Variants in ADAM12 observed in about 807,000 individuals in gnomAD.
ADAM12 encodes the protein ADAM metallopeptidase domain 12, also known as disintegrin and metalloproteinase domain-containing protein 12.
In ADAM12, 70 loss-of-function variants were observed where a neutral mutation model predicts 106.4. That is an observed-to-expected ratio of 0.66 (90% confidence interval 0.54 to 0.80). The LOEUF is 0.80. Among genes scored for constraint, ADAM12 ranks in the 30% least tolerant of loss-of-function variants. The pLI is 0.00. For missense variants in ADAM12, 1,010 were observed against 1,171.9 expected, an observed-to-expected ratio of 0.86 and a Z score of 2.02; for synonymous variants, 420 against 433.5, an observed-to-expected ratio of 0.97 and a Z score of 0.39.
At chr10:126,247,685 C>A (rs1254237182) in intron 3 of ADAM12, among the ~76,000 whole-genome samples, 1 of 152,226 alleles carries the variant, frequency 6.6e-6, no homozygotes. Flanking sequence ...ACCAGGAATT[C>A]TTCGCTGTTA....
chr10:126,141,866 G>T (rs1019424728), intron 4 of ADAM12, among the ~76,000 whole-genome samples: 1 of 152,196 alleles, frequency 6.6e-6, no homozygotes, highest in African/African-American at 2.4e-5. Context: ...CCTATGCAAT[G>T]AGCCAAACTA....
chr10:126,295,197 G>A (rs1046697215), intron 2 of ADAM12, among the ~76,000 whole-genome samples: 5 of 151,986 alleles, frequency 3.3e-5, no homozygotes, highest in African/African-American at 1.2e-4. Flanking sequence ...ACATAGATCT[G>A]GGGTCAAATC....
intron 1 of ADAM12, among the ~76,000 whole-genome samples, chr10:126,356,527 G>C (rs768916849): frequency 1.3e-5 from 2 of 152,202 alleles, no homozygotes; most frequent in Non-Finnish European, 2.9e-5. Context: ...GTAACATCCA[G>C]AAGAGGTGAC....
At chr10:126,188,420 T>A (rs1420705616) in intron 3 of ADAM12, among the ~76,000 whole-genome samples, 4 of 152,188 alleles carry the variant, frequency 2.6e-5, no homozygotes, top group Non-Finnish European at 4.4e-5. Flanking sequence ...AATTCCTTCT[T>A]TTCCAACCTC....
In ADAM12 at chr10:126,244,335, C is replaced by T. The variant is rs182304520; in HGVS notation, c.260+34580G>A. ...GGTCCGTGACCACACAGTGCACTGCCGGTATTTGAAGGCAACCACAGCCTG... is the reference window on the plus strand; with the variant it reads ...GGTCCGTGACCACACAGTGCACTGCTGGTATTTGAAGGCAACCACAGCCTG... On this transcript the variant is annotated intron_variant, in intron 3 of 22. Transcript: ENST00000448723. Among the ~76,000 whole-genome samples, 7 of 152,178 alleles carry T rather than the reference C, an allele frequency of 4.6e-5. No individual in the cohort carries two copies. The East Asian group carries it at 9.7e-4, about 21-fold the overall frequency.
chr10:126,172,680 T>C (rs1009891388), intron 3 of ADAM12, among the ~76,000 whole-genome samples: 2 of 152,168 alleles, frequency 1.3e-5, no homozygotes, highest in Admixed American at 6.5e-5. Context: ...AGTTCAACCA[T>C]TGTAGAAGAA....
At chr10:126,178,648 C>A (rs925764304) in intron 3 of ADAM12, among the ~76,000 whole-genome samples, 1 of 151,954 alleles carries the variant, frequency 6.6e-6, no homozygotes, top group African/African-American at 2.4e-5. Context: ...AAAGATGAAA[C>A]CAAAACTCTT....
At chr10:126,139,534 C>A (rs922212569) in intron 4 of ADAM12, among the ~76,000 whole-genome samples, 5 of 152,242 alleles carry the variant, frequency 3.3e-5, no homozygotes, top group Middle Eastern at 3.4e-3. Context: ...GCCGTGTGCT[C>A]CTTTTTGGAT....
intron 1 of ADAM12, among the ~76,000 whole-genome samples, chr10:126,370,625 T>C (rs1295809063): frequency 2.0e-5 from 3 of 152,154 alleles, no homozygotes; most frequent in Admixed American, 1.3e-4. Flanking sequence ...AGCTAAAGAC[T>C]CAAGTATTGT....
chr10:126,155,799 C>T (rs1674917), intron 3 of ADAM12, among the ~76,000 whole-genome samples: 65,790 of 151,646 alleles, frequency 0.43, 14,808 homozygotes, highest in East Asian at 0.76. Flanking sequence ...GTGAGAGAAC[C>T]GGCTGAAAAT....
At chr10:126,341,113 A>AC (rs1308204660) in intron 1 of ADAM12, among the ~76,000 whole-genome samples, 2 of 151,760 alleles carry the variant, frequency 1.3e-5, no homozygotes, top group East Asian at 3.9e-4. Context: ...CTCAAATGTT[A>AC]CCCCTCAGAG....
chr10:126,032,782 A>G (rs1229223456), intron 21 of ADAM12, among the ~76,000 whole-genome samples: 2 of 152,166 alleles, frequency 1.3e-5, no homozygotes, highest in East Asian at 3.9e-4. Context: ...AGTTTAGGGC[A>G]TGCTCACCAC....
chr10:126,278,183 G>A lies in ADAM12; in HGVS notation c.260+732C>T, dbSNP rs1035485407. On this transcript the variant is annotated intron_variant, in intron 3 of 22. Coordinates refer to ENST00000448723, the MANE Select transcript of ADAM12 (RefSeq NM_001288973.2). ...TGAGTTCTATCTTTACATACAGATT[G>A]CTTATTAGAAGAACTAATAAGCTCT... is the stretch of plus-strand genomic sequence containing the variant. Among the ~76,000 whole-genome samples, 14 of 152,268 alleles carry A rather than the reference G, an allele frequency of 9.2e-5. 1 individual carries two copies. The highest frequency in any genetic ancestry group is 3.4e-4 in the African/African-American group (14 of 41,556).
At chr10:126,023,499 A>C (rs115333228) in intron 21 of ADAM12, among the ~76,000 whole-genome samples, 3,180 of 152,292 alleles carry the variant, frequency 0.021, 94 homozygotes, top group African/African-American at 0.069. Context: ...AGAGAAATCC[A>C]ACCAAGGTCA....
In ADAM12 at chr10:126,066,998, G is replaced by A. The variant is rs1254032678; in HGVS notation, c.1324-192C>T. 2.0e-5 allele frequency: 11 copies of A among 558,632 alleles called. No homozygotes were observed. Among genetic ancestry groups the A allele is most frequent in the South Asian group, 7.9e-5 (4 of 50,518 alleles). 34.6% of individuals were successfully genotyped at this position (558,632 alleles called of 1,614,324 possible). On this transcript the variant is annotated intron_variant, in intron 12 of 22. Coordinates refer to ENST00000448723, the MANE Select transcript of ADAM12 (RefSeq NM_001288973.2). This position sits in a 1 kb window ranked among gnomAD's most constrained non-coding sequence, Gnocchi z 5.1. ...CTTTTTATGAACCAACTGGGTCTAC[G>A]AGTCCCTGGAAAAAGCCAGTAGCAC...
At chr10:126,159,684 G>A (rs1209241441) in intron 3 of ADAM12, among the ~76,000 whole-genome samples, 1 of 152,184 alleles carries the variant, frequency 6.6e-6, no homozygotes, top group East Asian at 1.9e-4. Context: ...GAAAGCTGGG[G>A]ATTAGAGAAA....
chr10:126,251,547 AGGATAGATGGGTGGGATG>A (rs1958752248), intron 3 of ADAM12, among the ~76,000 whole-genome samples: 1 of 90,848 alleles, frequency 1.1e-5, no homozygotes, highest in Non-Finnish European at 2.5e-5. Flanking sequence ...ATGGATGGAT[AGGATAGATGGGTGGGATG>A]GATGGGATGG....
chr10:126,354,808 G>T (rs76723445), intron 1 of ADAM12, among the ~76,000 whole-genome samples: 8,829 of 69,000 alleles, frequency 0.13, 849 homozygotes, highest in African/African-American at 0.29. Context: ...GCTAAAGTTT[G>T]TTTTTTTTTT....
chr10:126,104,269 G>A (rs1350747505), intron 8 of ADAM12, among the ~76,000 whole-genome samples: 1 of 152,022 alleles, frequency 6.6e-6, no homozygotes, highest in Non-Finnish European at 1.5e-5. Flanking sequence ...GTCCAACATG[G>A]TGAAACTCCA....
Sources: gnomAD v4.1 joint callset for allele counts (sites outside exome capture counted in the v4.1 genomes callset) on GRCh38, gnomAD v4.1.1 for gene constraint, Gnocchi (gnomAD v3.1) non-coding constraint, MANE v1.5 for transcripts, NCBI Gene and HGNC (gene_info 2026-07-23, HGNC 2026-07-21) for gene names.